CSMD1: variants seen among roughly 807,000 people sequenced by gnomAD.
The protein encoded by CSMD1 is CUB and sushi domain-containing protein 1.
CSMD1 carries 213 observed loss-of-function variants against 417.5 expected under a neutral mutation model. The observed-to-expected ratio is 0.51, with a 90% CI of 0.46 to 0.57. CSMD1 has a LOEUF of 0.57. Among genes scored for constraint, CSMD1 ranks in the 20% least tolerant of loss-of-function variants. The pLI, the probability that CSMD1 is intolerant of heterozygous loss-of-function variation, is 0.00. For missense variants in CSMD1, 6,923 were observed against 4,529.7 expected (o/e 1.53, Z -15.17); for synonymous variants, 2,862 against 1,736.8 (o/e 1.65, Z -16.11).
chr8:4,279,459 G>C (rs1289892909), intron 3 of CSMD1, among the ~76,000 whole-genome samples: 1 of 152,092 alleles, frequency 6.6e-6, no homozygotes, highest in Non-Finnish European at 1.5e-5. Context: ...AGTCCCAGTA[G>C]CCCATTTAAT....
chr8:4,168,539 C>A (rs1206438399), intron 3 of CSMD1, among the ~76,000 whole-genome samples: 6 of 152,108 alleles, frequency 3.9e-5, no homozygotes, highest in Middle Eastern at 3.4e-3. Context: ...AGACACAGAA[C>A]ACAACAGTGA....
intron 5 of CSMD1, among the ~76,000 whole-genome samples, chr8:3,887,989 T>C (rs924910334): frequency 5.9e-5 from 9 of 152,206 alleles, no homozygotes; most frequent in African/African-American, 2.2e-4. Context: ...AGGATTCTTA[T>C]CTGGTTATTA....
intron 3 of CSMD1, among the ~76,000 whole-genome samples, chr8:4,233,684 A>G (rs1025333442): frequency 2.0e-5 from 3 of 152,148 alleles, no homozygotes; most frequent in African/African-American, 4.8e-5. Context: ...AAGCTATCCA[A>G]TGTATGGAAT....
At chr8:4,174,329 T>A (rs1797923225) in intron 3 of CSMD1, among the ~76,000 whole-genome samples, 1 of 152,122 alleles carries the variant, frequency 6.6e-6, no homozygotes, top group African/African-American at 2.4e-5. Flanking sequence ...TAGGTATTAT[T>A]CCCGTTTTAC....
intron 2 of CSMD1, among the ~76,000 whole-genome samples, chr8:4,458,590 G>GA (rs1390159061): frequency 7.3e-5 from 11 of 151,370 alleles, no homozygotes; most frequent in South Asian, 6.3e-4. Flanking sequence ...TAAATACAAG[G>GA]AAAAAAAAGA....
At chr8:4,704,261 G>A (rs1477940402) in intron 1 of CSMD1, among the ~76,000 whole-genome samples, 3 of 152,210 alleles carry the variant, frequency 2.0e-5, no homozygotes, top group Non-Finnish European at 4.4e-5. Flanking sequence ...CTATCCCCAA[G>A]TATACTTGGA....
intron 3 of CSMD1, among the ~76,000 whole-genome samples, chr8:4,055,840 T>G (rs1174646697): frequency 6.6e-6 from 1 of 152,142 alleles, no homozygotes; most frequent in Non-Finnish European, 1.5e-5. Context: ...CAGTTGATTT[T>G]CTTTTTTACT....
At chr8:3,197,235 T>G (rs1429890623) in intron 33 of CSMD1, among the ~76,000 whole-genome samples, 1 of 144,314 alleles carries the variant, frequency 6.9e-6, no homozygotes, top group Non-Finnish European at 1.5e-5. Flanking sequence ...ATGTCTGGAG[T>G]CACACGTTTT....
chr8:3,756,563 T>C (rs370120004), intron 5 of CSMD1, among the ~76,000 whole-genome samples: 1 of 152,146 alleles, frequency 6.6e-6, no homozygotes. Context: ...ACATAGCTAA[T>C]AGTATCCAAA....
chr8:4,200,739 G>C (rs1799598382), intron 3 of CSMD1, among the ~76,000 whole-genome samples: 1 of 152,140 alleles, frequency 6.6e-6, no homozygotes, highest in South Asian at 2.1e-4. Flanking sequence ...GTGTGTATCT[G>C]TAGTCCCAAC....
chr8:3,571,559 C>T (rs1388281100), intron 10 of CSMD1, among the ~76,000 whole-genome samples: 1 of 152,092 alleles, frequency 6.6e-6, no homozygotes, highest in Admixed American at 6.6e-5. Context: ...CGTCATCTCT[C>T]TCTCTCCTGT....
At chr8:4,861,444 G>A (rs1802125990) in intron 1 of CSMD1, among the ~76,000 whole-genome samples, 1 of 152,080 alleles carries the variant, frequency 6.6e-6, no homozygotes, top group Non-Finnish European at 1.5e-5. Flanking sequence ...CAGAGTTCTT[G>A]GAAGTGCTCG....
At chr8:2,993,495 C>T (rs969558633) in intron 54 of CSMD1, among the ~76,000 whole-genome samples, 11 of 152,280 alleles carry the variant, frequency 7.2e-5, no homozygotes, top group South Asian at 4.1e-4. Flanking sequence ...CAACTCTCAG[C>T]GTCTCCCAGA....
intron 3 of CSMD1, among the ~76,000 whole-genome samples, chr8:4,153,488 TC>T (rs1432812044): frequency 4.6e-5 from 7 of 152,324 alleles, no homozygotes; most frequent in African/African-American, 1.7e-4. Context: ...TCCCAGTCTT[TC>T]TGACATTTCT....
intron 3 of CSMD1, among the ~76,000 whole-genome samples, chr8:4,170,447 C>A (rs78868262): frequency 6.6e-6 from 1 of 151,750 alleles, no homozygotes; most frequent in Non-Finnish European, 1.5e-5. Context: ...AATACTTCCC[C>A]TTTTTCCTAA....
intron 38 of CSMD1, among the ~76,000 whole-genome samples, chr8:3,159,171 T>A (rs1819727200): frequency 6.6e-6 from 1 of 152,158 alleles, no homozygotes; most frequent in African/African-American, 2.4e-5. Context: ...AACATAGAGT[T>A]CAAAAGTCTC....
chr8:3,902,230 T>A (rs575327140), intron 5 of CSMD1, among the ~76,000 whole-genome samples: 3 of 152,274 alleles, frequency 2.0e-5, no homozygotes, highest in African/African-American at 7.2e-5. Flanking sequence ...TTCAGCCCAT[T>A]GACCACCTCC....
At chr8:4,982,235 C>T (rs936545475) in intron 1 of CSMD1, among the ~76,000 whole-genome samples, 1 of 152,192 alleles carries the variant, frequency 6.6e-6, no homozygotes, top group Non-Finnish European at 1.5e-5. Flanking sequence ...CTGTTTGAAG[C>T]TGTTGCGTTT....
At chr8:4,969,366 C>A (rs918628073) in intron 1 of CSMD1, among the ~76,000 whole-genome samples, 1 of 151,594 alleles carries the variant, frequency 6.6e-6, no homozygotes, top group African/African-American at 2.4e-5. Flanking sequence ...GCATTGTACC[C>A]CAGATAAAAC....
Sources: allele counts gnomAD v4.1 joint callset (sites outside exome capture counted in the v4.1 genomes callset), GRCh38; gene constraint gnomAD v4.1.1; transcripts MANE v1.5; gene names NCBI Gene and HGNC (gene_info 2026-07-23, HGNC 2026-07-21).